The following B4GALT5 variants were observed in gnomAD, a reference collection of about 807,000 sequenced individuals.
B4GALT5 encodes UDP-Gal:beta-GlcNAc beta-1,4-galactosyltransferase 5.
A neutral mutation model predicts 45.0 loss-of-function variants in B4GALT5; 11 were observed. The observed-to-expected ratio is 0.24, with a 90% CI of 0.15 to 0.40. The LOEUF is 0.40. Among genes scored for constraint, B4GALT5 ranks in the 10% least tolerant of loss-of-function variants. B4GALT5 has a pLI of 1.00. For synonymous variants in B4GALT5, 185 were observed against 182.9 expected (o/e 1.01, Z -0.09); for missense variants, 337 against 500.2 (o/e 0.67, Z 3.11).
chr20:49,713,263 C>A (rs1012517522), intron 1 of B4GALT5, among the ~76,000 whole-genome samples: 10 of 148,692 alleles, frequency 6.7e-5, no homozygotes, highest in African/African-American at 2.5e-4. Flanking sequence ...GTGGGAGTTC[C>A]AGCGAGGCAA....
chr20:49,675,891 T>C (rs1242191661), intron 1 of B4GALT5, among the ~76,000 whole-genome samples: 1 of 152,162 alleles, frequency 6.6e-6, no homozygotes, highest in Non-Finnish European at 1.5e-5. Context: ...AGCAAATCAT[T>C]ACAGGAATGA....
chr20:49,699,998 C>T (rs1332446949), intron 1 of B4GALT5, among the ~76,000 whole-genome samples: 2 of 152,162 alleles, frequency 1.3e-5, no homozygotes, highest in African/African-American at 4.8e-5. Context: ...GACTATTCCT[C>T]CGCTGCCCCC....
At chr20:49,709,755 C>T (rs6122813) in intron 1 of B4GALT5, among the ~76,000 whole-genome samples, 2,430 of 146,922 alleles carry the variant, frequency 0.017, 40 homozygotes, top group East Asian at 0.084. Context: ...GGCAAAAGAG[C>T]GAAACTCCGT....
At chr20:49,655,521 G>A (rs568892536) in intron 2 of B4GALT5, among the ~76,000 whole-genome samples, 1 of 152,292 alleles carries the variant, frequency 6.6e-6, no homozygotes, top group African/African-American at 2.4e-5. Flanking sequence ...TGAAATCTCA[G>A]AATCTATTTT....
Position 49,713,611 on chromosome 20 carries a change from G to C in B4GALT5, c.80C>G (p.Ser27Trp). The C allele has an allele frequency of 6.3e-7, 1 of 1,589,720 alleles. No homozygotes were observed. The highest frequency in any genetic ancestry group is 1.1e-5 in the South Asian group (1 of 88,532). Residue 27 changes from serine to tryptophan, a missense_variant, in exon 1 of 9, where the codon TCG (serine) becomes TGG (tryptophan). By Grantham distance (177) the Ser-to-Trp change is radical. Around this residue, in one of 2 missense-constraint regions of B4GALT5, gnomAD observed 174 missense variants for 207.4 expected, o/e 0.84. Transcript: ENST00000371711. ...AALFFFSLSS[S>W]LLYFVYVAPG... ...CGCCACATAGACGAAGTACAGCAGC[G>C]AGGACGAGAGAGAAAAGAAGAAGAG...
At chr20:49,678,025 G>A (rs2085746859) in intron 1 of B4GALT5, among the ~76,000 whole-genome samples, 1 of 152,228 alleles carries the variant, frequency 6.6e-6, no homozygotes, top group African/African-American at 2.4e-5. Context: ...TGGAATTATA[G>A]GCGTGAGTCA....
At chr20:49,669,696 CAA>C (rs535974379) in intron 1 of B4GALT5, among the ~76,000 whole-genome samples, 33 of 94,716 alleles carry the variant, frequency 3.5e-4, no homozygotes, top group Admixed American at 3.7e-4. Flanking sequence ...AACTCCACCT[CAA>C]AAAAAAAAAA....
intron 1 of B4GALT5, among the ~76,000 whole-genome samples, chr20:49,705,718 A>G (rs745602952): frequency 6.6e-6 from 1 of 152,192 alleles, no homozygotes; most frequent in Non-Finnish European, 1.5e-5. Flanking sequence ...ATGAAACTTC[A>G]GATCTGAAAG....
intron 1 of B4GALT5, among the ~76,000 whole-genome samples, chr20:49,691,800 T>C (rs1036322804): frequency 1.1e-4 from 16 of 152,224 alleles, no homozygotes; most frequent in Non-Finnish European, 2.1e-4. Flanking sequence ...ATTTTCCTTA[T>C]GCTTCGCTGT....
At chr20:49,661,882 A>AT (rs1235427477) in intron 1 of B4GALT5, among the ~76,000 whole-genome samples, 6 of 152,214 alleles carry the variant, frequency 3.9e-5, no homozygotes, top group Admixed American at 3.9e-4. Context: ...ATCCAGCCTC[A>AT]TATCTAGGAG....
chr20:49,691,533 CCA>C (rs1188322367), intron 1 of B4GALT5, among the ~76,000 whole-genome samples: 4 of 151,978 alleles, frequency 2.6e-5, no homozygotes, highest in Admixed American at 2.0e-4. Context: ...AAAAAAAAAC[CCA>C]CACGCCAAAA....
intron 1 of B4GALT5, among the ~76,000 whole-genome samples, chr20:49,667,256 T>C (rs1376595901): frequency 6.6e-6 from 1 of 150,664 alleles, no homozygotes; most frequent in African/African-American, 2.4e-5. Flanking sequence ...GCTTGTGTTG[T>C]TGTTGTTTTT....
intron 1 of B4GALT5, among the ~76,000 whole-genome samples, chr20:49,703,853 C>T (rs932417188): frequency 6.6e-6 from 1 of 150,966 alleles, no homozygotes; most frequent in Non-Finnish European, 1.5e-5. Flanking sequence ...CGCACCACTG[C>T]ACTCCAGCCT....
chr20:49,643,601 A>G lies in B4GALT5; in HGVS notation c.414T>C (p.His138=). 6.2e-6 allele frequency: 10 copies of G among 1,614,112 alleles called. No individual in the cohort carries two copies. Among genetic ancestry groups the G allele is most frequent in the Admixed American group, 1.7e-5 (1 of 60,022 alleles). Residue 138 remains histidine (H), a synonymous_variant, in exon 4 of 9, where the codon CAT becomes CAC. Coordinates refer to ENST00000371711, the MANE Select transcript of B4GALT5 (RefSeq NM_004776.4). ...NMSEIGMDYI[H]ELFSKDPTIK... Reference sequence around the variant, plus strand: ...TGGTTGGGTCTTTGGAGAAGAGTTCATGAATGTAATCCATTCCAATTTCAC... The same window carrying G: ...TGGTTGGGTCTTTGGAGAAGAGTTCGTGAATGTAATCCATTCCAATTTCAC...
chr20:49,711,796 G>T (rs922284219), intron 1 of B4GALT5, among the ~76,000 whole-genome samples: 1 of 152,170 alleles, frequency 6.6e-6, no homozygotes, highest in Admixed American at 6.5e-5. Flanking sequence ...CTAGTTGATA[G>T]TTCAAAACAT....
chr20:49,695,120 A>C (rs2085833438), intron 1 of B4GALT5, among the ~76,000 whole-genome samples: 1 of 147,758 alleles, frequency 6.8e-6, no homozygotes, highest in African/African-American at 2.5e-5. Flanking sequence ...TTTGGTGATG[A>C]GTAACTAATG....
chr20:49,654,474 C>T (rs2085634021), intron 2 of B4GALT5, among the ~76,000 whole-genome samples: 1 of 152,214 alleles, frequency 6.6e-6, no homozygotes, highest in South Asian at 2.1e-4. Context: ...AAATGTCATT[C>T]ACTTGTTCTT....
chr20:49,639,189 G>C (rs144378982), intron 7 of B4GALT5, among the ~76,000 whole-genome samples: 1 of 152,042 alleles, frequency 6.6e-6, no homozygotes, highest in South Asian at 2.1e-4. Context: ...TATAATGAAC[G>C]TATTATTTAT....
At chr20:49,683,574 G>A (rs1349014280) in intron 1 of B4GALT5, among the ~76,000 whole-genome samples, 2 of 151,320 alleles carry the variant, frequency 1.3e-5, no homozygotes, top group African/African-American at 2.4e-5. Context: ...TTGTATTTTT[G>A]TAGAGATGTC....
Sources: allele counts gnomAD v4.1 joint callset (sites outside exome capture counted in the v4.1 genomes callset), GRCh38; gene constraint gnomAD v4.1.1; regional missense constraint gnomAD v4.1.1; transcripts MANE v1.5; gene names NCBI Gene and HGNC (gene_info 2026-07-23, HGNC 2026-07-21).